The following ESRRG variants were observed in gnomAD, a reference collection of about 807,000 sequenced individuals.
The protein encoded by ESRRG is estrogen related receptor gamma.
ESRRG carries 13 observed loss-of-function variants against 44.0 expected under a neutral mutation model. That is an observed-to-expected ratio of 0.30 (90% CI 0.19 to 0.47). The LOEUF (loss-of-function observed/expected upper bound fraction) is 0.47, where lower values mean the gene tolerates loss of function less well. Ranked by LOEUF, ESRRG falls within the 20% of genes least tolerant of loss-of-function variation. The pLI is 1.00. For missense variants in ESRRG, 395 were observed against 580.6 expected (o/e 0.68, Z 3.29); for synonymous variants, 215 against 214.6 (o/e 1.00, Z -0.02).
intron 2 of ESRRG, among the ~76,000 whole-genome samples, chr1:216,924,722 GTTA>G (rs1357158008): frequency 1.3e-5 from 2 of 152,114 alleles, no homozygotes; most frequent in African/African-American, 4.8e-5. Flanking sequence ...GCTTTTTGTT[GTTA>G]TTGATAGAGT....
At chr1:216,811,688 C>A (rs764783624) in intron 2 of ESRRG, among the ~76,000 whole-genome samples, 1 of 151,842 alleles carries the variant, frequency 6.6e-6, no homozygotes, top group Non-Finnish European at 1.5e-5. Flanking sequence ...GAACATCAGG[C>A]AAAGGGAAAA....
intron 5 of ESRRG, among the ~76,000 whole-genome samples, chr1:216,562,174 T>G (rs1262603789): frequency 6.6e-6 from 1 of 152,172 alleles, no homozygotes; most frequent in Non-Finnish European, 1.5e-5. Flanking sequence ...CTTACAAATC[T>G]TTTATTTCAG....
chr1:217,057,970 G>T (rs1429520731), intron 1 of ESRRG, among the ~76,000 whole-genome samples: 1 of 152,058 alleles, frequency 6.6e-6, no homozygotes, highest in Non-Finnish European at 1.5e-5. Context: ...CATAGGCAAA[G>T]AAAATTGAAC....
rs2060476066 is a variant in ESRRG, at chr1:216,912,176, A to AG, written c.-14+27405_-14+27406insC. 4.0e-4 allele frequency among the ~76,000 whole-genome samples: 12 copies of AG among 30,092 alleles called. 1 individual carries two copies. Among genetic ancestry groups the AG allele is most frequent in the East Asian group, 1.1e-3 (1 of 880 alleles). 19.7% of individuals were successfully genotyped at this position (30,092 alleles called of 152,430 possible). A position where few individuals can be genotyped will look rare whatever the true frequency, so the allele number is the denominator to read the frequency against. Reference sequence around the variant, plus strand: ...AAAAGAAAAGAAAAGAAAAGAAAAGAAAAGAAAAGGAGAGGAGAGGAGAGG... The same window carrying AG: ...AAAAGAAAAGAAAAGAAAAGAAAAGAGAAAGAAAAGGAGAGGAGAGGAGAGG... On this transcript the variant is annotated intron_variant, in intron 2 of 7. Transcript: ENST00000359162.
At chr1:216,508,409 T>A (rs1176255635) in intron 6 of ESRRG, among the ~76,000 whole-genome samples, 1 of 152,178 alleles carries the variant, frequency 6.6e-6, no homozygotes, top group Non-Finnish European at 1.5e-5. Flanking sequence ...CTTTAAAAAA[T>A]TTTTGAATAA....
chr1:217,130,230 A>G (rs2092946218), intron 1 of ESRRG, among the ~76,000 whole-genome samples: 1 of 152,012 alleles, frequency 6.6e-6, no homozygotes, highest in South Asian at 2.1e-4. Flanking sequence ...CTGCAACTTT[A>G]CTTATTTACC....
chr1:216,874,615 T>C (rs1019036456), intron 2 of ESRRG, among the ~76,000 whole-genome samples: 1 of 152,204 alleles, frequency 6.6e-6, no homozygotes, highest in African/African-American at 2.4e-5. Flanking sequence ...AGTTTTATCA[T>C]TTTAGCATAT....
intron 2 of ESRRG, among the ~76,000 whole-genome samples, chr1:216,732,087 GAATAAAAAAAGAAAATAAAA>G (rs947838453): frequency 1.5e-4 from 20 of 133,610 alleles, no homozygotes; most frequent in African/African-American, 5.0e-4. Flanking sequence ...TTAAGAAGTG[GAATAAAAAAAGAAAATAAAA>G]AATAAAAAAA....
chr1:216,842,868 C>T (rs1336049992), intron 2 of ESRRG, among the ~76,000 whole-genome samples: 1 of 152,202 alleles, frequency 6.6e-6, no homozygotes, highest in East Asian at 1.9e-4. Flanking sequence ...ATCTGACATA[C>T]ACAAATGTAG....
chr1:217,110,398 C>A (rs1301035983), intron 1 of ESRRG, among the ~76,000 whole-genome samples: 1 of 152,128 alleles, frequency 6.6e-6, no homozygotes, highest in Admixed American at 6.6e-5. Flanking sequence ...CCATAGCAAA[C>A]CATTGCCTGT....
At chr1:217,131,241 A>G (rs955165872) in intron 1 of ESRRG, among the ~76,000 whole-genome samples, 11 of 152,218 alleles carry the variant, frequency 7.2e-5, no homozygotes, top group African/African-American at 2.2e-4. Context: ...AAATTTCTAC[A>G]TAAAAAGGCA....
intron 3 of ESRRG, among the ~76,000 whole-genome samples, chr1:216,597,556 T>C (rs868159178): frequency 9.9e-5 from 15 of 152,220 alleles, no homozygotes; most frequent in African/African-American, 3.4e-4. Context: ...TTTCAAATGC[T>C]GCTACTCAGG....
At chr1:216,730,118 G>C (rs1052604727) in intron 2 of ESRRG, among the ~76,000 whole-genome samples, 1 of 151,898 alleles carries the variant, frequency 6.6e-6, no homozygotes, top group Admixed American at 6.6e-5. Flanking sequence ...CCAGTGCTTC[G>C]TTAGCAACAA....
At chr1:217,086,263 G>A (rs536999498) in intron 1 of ESRRG, among the ~76,000 whole-genome samples, 22 of 152,280 alleles carry the variant, frequency 1.4e-4, no homozygotes, top group South Asian at 2.1e-4. Flanking sequence ...GTACCTAGAA[G>A]GCAGATACCA....
At chr1:217,020,993 G>A (rs1282929296) in intron 1 of ESRRG, among the ~76,000 whole-genome samples, 1 of 149,892 alleles carries the variant, frequency 6.7e-6, no homozygotes, top group Non-Finnish European at 1.5e-5. Context: ...TCAAAGCAAG[G>A]AAACACTACC....
intron 2 of ESRRG, among the ~76,000 whole-genome samples, chr1:216,773,491 T>A (rs2152402588): frequency 6.6e-6 from 1 of 152,220 alleles, no homozygotes; most frequent in African/African-American, 2.4e-5. Flanking sequence ...TTTGAAAAAA[T>A]TGTCAATTGT....
intron 2 of ESRRG, among the ~76,000 whole-genome samples, chr1:216,915,565 C>G (rs2061056432): frequency 6.6e-6 from 1 of 151,690 alleles, no homozygotes; most frequent in Non-Finnish European, 1.5e-5. Flanking sequence ...CCAAAACAGC[C>G]AAGATAGCTA....
chr1:216,597,979 C>G (rs2058677988), intron 3 of ESRRG, among the ~76,000 whole-genome samples: 1 of 152,096 alleles, frequency 6.6e-6, no homozygotes. Flanking sequence ...ACCTATCAAC[C>G]CATATAGGCT....
At chr1:216,872,942 T>C (rs550978073) in intron 2 of ESRRG, among the ~76,000 whole-genome samples, 17 of 152,226 alleles carry the variant, frequency 1.1e-4, no homozygotes, top group Non-Finnish European at 2.1e-4. Flanking sequence ...GAATATGTGA[T>C]ACTTTTGTTT....
Sources: allele counts gnomAD v4.1 joint callset (sites outside exome capture counted in the v4.1 genomes callset), GRCh38; gene constraint gnomAD v4.1.1; transcripts MANE v1.5; gene names NCBI Gene and HGNC (gene_info 2026-07-23, HGNC 2026-07-21).